The following DMD variants were observed in gnomAD, a reference collection of about 807,000 sequenced individuals.
DMD encodes mutant dystrophin.
A neutral mutation model predicts 330.1 loss-of-function variants in DMD; 63 were observed. The observed-to-expected ratio is 0.19, with a 90% CI of 0.16 to 0.24. The LOEUF (loss-of-function observed/expected upper bound fraction) is 0.24, where lower values mean the gene tolerates loss of function less well. Among genes scored for constraint, DMD ranks in the 10% least tolerant of loss-of-function variants. The pLI is 1.00. For synonymous variants in DMD, 1,223 were observed against 959.8 expected, an observed-to-expected ratio of 1.27 and a Z score of -5.07; for missense variants, 3,344 against 2,684.1, an observed-to-expected ratio of 1.25 and a Z score of -5.43.
intron 4 of DMD, among the ~76,000 whole-genome samples, chrX:32,843,801 G>T (rs1384665967): frequency 1.8e-5 from 2 of 111,531 alleles, no homozygotes; most frequent in Non-Finnish European, 3.8e-5. Flanking sequence ...ATGACACAGG[G>T]GAAGAGTCAC....
intron 44 of DMD, among the ~76,000 whole-genome samples, chrX:32,008,806 A>G (rs1335065045): frequency 9.0e-6 from 1 of 111,431 alleles, no homozygotes; most frequent in Non-Finnish European, 1.9e-5. Flanking sequence ...GAGTCTACAT[A>G]GAGGAAGAGG....
At position 32,885,843 on chromosome X, in the gene DMD, A is replaced by AC. The variant is rs1200637016; in HGVS notation, c.94-36024_94-36023insG. 2.7e-4 allele frequency among the ~76,000 whole-genome samples: 29 copies of AC among 108,414 alleles called. No homozygotes were observed. The South Asian group carries it at 0.01, about 38-fold the overall frequency. 94.1% of individuals were successfully genotyped at this position (108,414 alleles called of 115,157 possible). A position where few individuals can be genotyped will look rare whatever the true frequency, so the allele number is the denominator to read the frequency against. On this transcript the variant is annotated intron_variant, in intron 2 of 78. Transcript: ENST00000357033. ...CTTGAGGGGGAAAAAAAAAAAAAAA[A>AC]AAAAAACCTTTCCTTTCAGGTAGTA...
intron 2 of DMD, among the ~76,000 whole-genome samples, chrX:33,012,428 T>G (rs1013910514): frequency 1.3e-4 from 15 of 111,882 alleles, no homozygotes; most frequent in African/African-American, 4.2e-4. Context: ...AATAATTTGT[T>G]TATGAGTAGT....
At position 32,523,593 on chromosome X, in the gene DMD, C is replaced by A. The variant is rs138746767; in HGVS notation, c.2169-5462G>T. On this transcript the variant is annotated intron_variant, in intron 17 of 78. Coordinates refer to ENST00000357033, the MANE Select transcript of DMD (RefSeq NM_004006.3). Reference sequence around the variant, plus strand: ...ACTATCAGATCATTCCCTTTTTGTCCAATCACATTCCTACATGGCTGTCTA... The same window carrying A: ...ACTATCAGATCATTCCCTTTTTGTCAAATCACATTCCTACATGGCTGTCTA... Among the ~76,000 whole-genome samples, 14 of 112,130 alleles carry A rather than the reference C, an allele frequency of 1.2e-4. No individual in the cohort carries two copies. In the East Asian group the frequency reaches 3.9e-3, roughly 32 times the overall value.
chrX:32,418,727 C>A (rs1261231620), intron 29 of DMD, among the ~76,000 whole-genome samples: 4 of 110,063 alleles, frequency 3.6e-5, no homozygotes, highest in Admixed American at 2.9e-4. Context: ...TGTTTAGAAC[C>A]GGCAAGATGA....
chrX:32,107,886 G>T (rs2146586731), intron 44 of DMD, among the ~76,000 whole-genome samples: 1 of 111,034 alleles, frequency 9.0e-6, no homozygotes, highest in East Asian at 2.8e-4. Context: ...GGTGCAAAGT[G>T]AACAACAGTA....
intron 45 of DMD, among the ~76,000 whole-genome samples, chrX:31,943,168 A>G (rs1188569938): frequency 8.9e-6 from 1 of 112,424 alleles, no homozygotes; most frequent in Non-Finnish European, 1.9e-5. Flanking sequence ...ATGGCCCACA[A>G]AGCCAAAGGC....
chrX:32,466,621 G>A (rs918213952), intron 23 of DMD, among the ~76,000 whole-genome samples: 1 of 111,255 alleles, frequency 9.0e-6, no homozygotes, highest in East Asian at 2.8e-4. Flanking sequence ...TTAAAAGGAA[G>A]TCAACACAGG....
In DMD at chrX:33,174,336, G is replaced by A. The variant is rs186833917; in HGVS notation, c.31+36946C>T. ...AAGTCTCCTATGAACTCGAGAAGCC[G>A]CAAAACCAAGGAAGAGAAAGAGTAA... On this transcript the variant is annotated intron_variant, in intron 1 of 78. Coordinates refer to ENST00000357033, the MANE Select transcript of DMD (RefSeq NM_004006.3). Among the ~76,000 whole-genome samples the A allele has an allele frequency of 2.1e-3, 228 of 110,896 alleles. 1 individual carries two copies. The highest frequency in any genetic ancestry group is 3.6e-3 in the Non-Finnish European group (192 of 52,869).
intron 44 of DMD, among the ~76,000 whole-genome samples, chrX:32,162,660 C>A (rs1163156846): frequency 1.1e-5 from 1 of 90,272 alleles, no homozygotes; most frequent in East Asian, 3.5e-4. Context: ...AATGCAATGG[C>A]ACAATCTTGG....
At chrX:32,110,205 G>A (rs756815437) in intron 44 of DMD, among the ~76,000 whole-genome samples, 6 of 111,558 alleles carry the variant, frequency 5.4e-5, no homozygotes, top group Non-Finnish European at 1.1e-4. Flanking sequence ...ACCTACACAC[G>A]AAGGTTTTGC....
intron 2 of DMD, among the ~76,000 whole-genome samples, chrX:32,922,423 A>G (rs1394262263): frequency 9.0e-6 from 1 of 111,513 alleles, no homozygotes; most frequent in Non-Finnish European, 1.9e-5. Flanking sequence ...ATTTAGACCT[A>G]CCCCCTAAGC....
chrX:32,929,024 G>C (rs5928118), intron 2 of DMD, among the ~76,000 whole-genome samples: 1 of 109,966 alleles, frequency 9.1e-6, no homozygotes, highest in Non-Finnish European at 1.9e-5. Flanking sequence ...AATGGATTTC[G>C]GGATGGAGAA....
chrX:31,807,974 G>A (rs772762935), intron 50 of DMD, among the ~76,000 whole-genome samples: 2 of 111,634 alleles, frequency 1.8e-5, no homozygotes, highest in Non-Finnish European at 3.8e-5. Context: ...CTCTCATGGT[G>A]AAAAATAATA....
At chrX:33,286,514 G>T (rs2053434846) in intron 1 of DMD, among the ~76,000 whole-genome samples, 1 of 111,907 alleles carries the variant, frequency 8.9e-6, no homozygotes, top group Non-Finnish European at 1.9e-5. Context: ...TTATCTCCAG[G>T]CCTGTTCTCC....
intron 11 of DMD, among the ~76,000 whole-genome samples, chrX:32,625,861 A>C (rs1276804607): frequency 8.9e-6 from 1 of 111,903 alleles, no homozygotes; most frequent in Non-Finnish European, 1.9e-5. Flanking sequence ...CCAATTCCCT[A>C]GAATTCACAG....
At chrX:31,946,135 G>A (rs182602148) in intron 45 of DMD, among the ~76,000 whole-genome samples, 2 of 112,227 alleles carry the variant, frequency 1.8e-5, no homozygotes, top group Non-Finnish European at 3.8e-5. Flanking sequence ...TTTCTAAGAA[G>A]AGCAGTGGAT....
intron 9 of DMD, among the ~76,000 whole-genome samples, chrX:32,662,060 A>C (rs747859573): frequency 9.0e-6 from 1 of 111,440 alleles, no homozygotes; most frequent in East Asian, 2.8e-4. Context: ...TGAGATAATC[A>C]ATACTATGTT....
At chrX:32,778,332 C>G (rs1247943617) in intron 7 of DMD, among the ~76,000 whole-genome samples, 1 of 110,127 alleles carries the variant, frequency 9.1e-6, no homozygotes, top group African/African-American at 3.3e-5. Context: ...GTCCCGAACC[C>G]TATAGAAATG....
Sources: allele counts gnomAD v4.1 joint callset (sites outside exome capture counted in the v4.1 genomes callset), GRCh38; gene constraint gnomAD v4.1.1; transcripts MANE v1.5; gene names NCBI Gene and HGNC (gene_info 2026-07-23, HGNC 2026-07-21).